The following SH3BP2 variants were observed in gnomAD, a reference collection of about 807,000 sequenced individuals.
SH3BP2 encodes SH3 domain binding protein 2, also known as SH3 domain-binding protein 2.
A neutral mutation model predicts 56.2 loss-of-function variants in SH3BP2; 38 were observed. That is an observed-to-expected ratio of 0.68 (90% CI 0.52 to 0.89). The LOEUF is 0.89. SH3BP2 is among the 40% of genes least tolerant of loss of function. The probability of loss-of-function intolerance (pLI) is 0.00; values close to 1 mark genes in which losing one functional copy is unlikely to be tolerated. For missense variants in SH3BP2, 748 were observed against 762.6 expected (o/e 0.98, Z 0.23); for synonymous variants, 346 against 316.7 (o/e 1.09, Z -0.98).
At position 2,832,166 on chromosome 4, in the gene SH3BP2, C is replaced by A; in HGVS notation, c.1407-165C>A. The stretch of plus-strand genomic sequence containing the variant: ...CAGCTGGCACCCTGGCTGGCCAGGG[C>A]TCTGCTGGGCTGCTTCTGTCAGCCT... On this transcript the variant is annotated intron_variant, in intron 10 of 12. Coordinates refer to ENST00000503393, the MANE Select transcript of SH3BP2 (RefSeq NM_001122681.2). The A allele has an allele frequency of 6.4e-6, 6 of 939,088 alleles. No homozygotes were observed. The South Asian group carries it at 6.7e-5, about 10-fold the overall frequency. 58.2% of individuals were successfully genotyped at this position (939,088 alleles called of 1,614,324 possible).
Position 2,826,684 on chromosome 4 carries a change from T to TCATGTTGCTCTGTGTGTGTGCATGTCCG in SH3BP2, c.429-526_429-525insCATGTCCGCATGTTGCTCTGTGTGTGTG. On this transcript the variant is annotated intron_variant, in intron 5 of 12. Coordinates refer to ENST00000503393, the MANE Select transcript of SH3BP2 (RefSeq NM_001122681.2). ...TGTTGCTCTGTGTGTGTGCATGTCC[T>TCATGTTGCTCTGTGTGTGTGCATGTCCG]CATGTTGCTCTGTGTGTGTGTGCAT... 2 of 335,994 alleles carry TCATGTTGCTCTGTGTGTGTGCATGTCCG rather than the reference T, an allele frequency of 6.0e-6. 1 individual carries two copies. Among genetic ancestry groups the TCATGTTGCTCTGTGTGTGTGCATGTCCG allele is most frequent in the East Asian group, 1.6e-4 (2 of 12,256 alleles). The allele number at this position is 335,994 out of a possible 1,614,324, so 20.8% of individuals were successfully genotyped here.
chr4:2,808,266 C>G (rs1252434462), intron 1 of SH3BP2, among the ~76,000 whole-genome samples: 5 of 152,176 alleles, frequency 3.3e-5, no homozygotes, highest in Non-Finnish European at 7.3e-5. Context: ...TCCCTCCAGC[C>G]TCTTTTCCAT....
chr4:2,806,727 A>G (rs1430140667), intron 1 of SH3BP2, among the ~76,000 whole-genome samples: 3 of 152,142 alleles, frequency 2.0e-5, no homozygotes, highest in East Asian at 1.9e-4. Flanking sequence ...GCCTAGGGCA[A>G]CCCTCTTCCA....
chr4:2,826,100 C>T (rs1724600195), intron 5 of SH3BP2, among the ~76,000 whole-genome samples: 1 of 152,274 alleles, frequency 6.6e-6, no homozygotes, highest in Admixed American at 6.5e-5. Context: ...CCCAAGCCCT[C>T]TTGAGGCAGG....
At chr4:2,801,278 G>C (rs540736494) in intron 1 of SH3BP2, among the ~76,000 whole-genome samples, 23 of 152,322 alleles carry the variant, frequency 1.5e-4, no homozygotes, top group Admixed American at 3.3e-4. Flanking sequence ...AGGTCACCCA[G>C]GCCCCCTCTG....
chr4:2,812,985 G>A (rs1294556625), intron 1 of SH3BP2, among the ~76,000 whole-genome samples: 1 of 152,200 alleles, frequency 6.6e-6, no homozygotes, highest in Admixed American at 6.5e-5. Flanking sequence ...GGACCTCAGG[G>A]ACTGCCGGGC....
intron 1 of SH3BP2, among the ~76,000 whole-genome samples, chr4:2,797,853 C>T (rs994428143): frequency 1.2e-4 from 19 of 152,286 alleles, no homozygotes; most frequent in Middle Eastern, 3.4e-3. Flanking sequence ...GGAAGTGGCG[C>T]GGGCAACGGG....
rs887297095 is a variant in SH3BP2 at position 2,808,109 on chromosome 4, T to C, written c.-4-12505T>C. On this transcript the variant is annotated intron_variant, in intron 1 of 12. Coordinates refer to ENST00000503393, the MANE Select transcript of SH3BP2 (RefSeq NM_001122681.2). Reference sequence around the variant, plus strand: ...CGAGGGGCCTGAAAACAACAGAAATTTACTCTCATGATTCTGGAGGCCAGA... The same window carrying C: ...CGAGGGGCCTGAAAACAACAGAAATCTACTCTCATGATTCTGGAGGCCAGA... Among the ~76,000 whole-genome samples the C allele has an allele frequency of 3.1e-4, 18 of 57,384 alleles. No individual in the cohort carries two copies. In the African/African-American group the frequency reaches 3.4e-3, roughly 11 times the overall value. 37.6% of individuals were successfully genotyped at this position (57,384 alleles called of 152,430 possible). A position where few individuals can be genotyped will look rare whatever the true frequency, so the allele number is the denominator to read the frequency against.
chr4:2,832,194 C>T (rs980750823), intron 10 of SH3BP2, 137 bp from the exon 11 acceptor site: 152 of 998,046 alleles, frequency 1.5e-4, no homozygotes, highest in Admixed American at 3.5e-4. Context: ...GTCAGCCTCA[C>T]GGCAGCCCGA....
In SH3BP2 at chr4:2,827,689, TG is replaced by T; in HGVS notation, c.586+18del. 1.1e-6 allele frequency: 1 copy of T among 934,640 alleles called. No individual in the cohort carries two copies. Among genetic ancestry groups the T allele is most frequent in the Non-Finnish European group, 1.6e-6 (1 of 614,806 alleles). 57.9% of individuals were successfully genotyped at this position (934,640 alleles called of 1,614,324 possible). On this transcript the variant is annotated intron_variant, in intron 7 of 12. Transcript: ENST00000503393. ...AAGGCTTGAGGGTAGGTGGGGCGGGTGGGCCCGGGGAGCTCTGGGTGTGTAG... is the reference window on the plus strand; with the variant it reads ...AAGGCTTGAGGGTAGGTGGGGCGGGTGGCCCGGGGAGCTCTGGGTGTGTAG...
chr4:2,794,371 A>G (rs116216504), intron 1 of SH3BP2: 4,663 of 151,480 alleles, frequency 0.031, 111 homozygotes, highest in Admixed American at 0.055. Flanking sequence ...GGTTCTTCCC[A>G]CTCTGTCCAC....
chr4:2,805,240 C>T (rs1203349346), intron 1 of SH3BP2, among the ~76,000 whole-genome samples: 4 of 152,180 alleles, frequency 2.6e-5, no homozygotes, highest in East Asian at 1.9e-4. Flanking sequence ...CTGGTGTGGG[C>T]GTGGGGTGTC....
intron 1 of SH3BP2, among the ~76,000 whole-genome samples, chr4:2,803,155 C>G (rs965471629): frequency 1.3e-5 from 2 of 152,214 alleles, no homozygotes; most frequent in African/African-American, 4.8e-5. Flanking sequence ...CCACTTACTG[C>G]TATACGGTCC....
At chr4:2,820,508 C>T in intron 1 of SH3BP2, 106 bp from the exon 2 acceptor site, 1 of 1,426,116 alleles carries the variant, frequency 7.0e-7, no homozygotes, top group Non-Finnish European at 9.9e-7. Flanking sequence ...ATGGCCCTAC[C>T]CTCCAAGCTG....
chr4:2,825,982 G>T (rs1202024887), intron 5 of SH3BP2, among the ~76,000 whole-genome samples: 1 of 152,234 alleles, frequency 6.6e-6, no homozygotes, highest in Non-Finnish European at 1.5e-5. Context: ...GGGACAGGAG[G>T]CCCAGGGAGG....
chr4:2,806,836 G>A (rs1371345007), intron 1 of SH3BP2, among the ~76,000 whole-genome samples: 2 of 152,254 alleles, frequency 1.3e-5, no homozygotes, highest in Admixed American at 1.3e-4. Context: ...GCCCAGTGGG[G>A]CATCCGGAGA....
In SH3BP2 at chr4:2,810,587, C is replaced by G. The variant is rs1389585983; in HGVS notation, c.-4-10027C>G. Among the ~76,000 whole-genome samples the G allele has an allele frequency of 6.6e-6, 1 of 151,906 alleles. No individual in the cohort carries two copies. Among genetic ancestry groups the G allele is most frequent in the African/African-American group, 2.4e-5 (1 of 41,336 alleles). On this transcript the variant is annotated intron_variant, in intron 1 of 12. Coordinates refer to ENST00000503393, the MANE Select transcript of SH3BP2 (RefSeq NM_001122681.2). The surrounding 1 kb of genome is among the most constrained non-coding windows in gnomAD (Gnocchi z 4.2). The stretch of plus-strand genomic sequence containing the variant: ...ATGGGTTGTCATCCCTGAAGCTGTG[C>G]GTTGGCCACCTCATTGCCTGTGGAT...
chr4:2,814,254 G>A (rs1245340811), intron 1 of SH3BP2, among the ~76,000 whole-genome samples: 2 of 152,208 alleles, frequency 1.3e-5, no homozygotes, highest in East Asian at 1.9e-4. Flanking sequence ...GACCACACAC[G>A]CCACAGGGCT....
rs1180083106 is a variant in SH3BP2 at position 2,829,388 on chromosome 4, C to T, written c.587-105C>T. 1.6e-6 allele frequency: 2 copies of T among 1,241,130 alleles called. No individual in the cohort carries two copies. Among genetic ancestry groups the T allele is most frequent in the African/African-American group, 1.5e-5 (1 of 67,658 alleles). 76.9% of individuals were successfully genotyped at this position (1,241,130 alleles called of 1,614,324 possible). A position where few individuals can be genotyped will look rare whatever the true frequency, so the allele number is the denominator to read the frequency against. On this transcript the variant is annotated intron_variant, in intron 7 of 12. Transcript: ENST00000503393. The surrounding 1 kb of genome is among the most constrained non-coding windows in gnomAD (Gnocchi z 4.9). ...TGGGTGGGCAGGCTGTGGGGTGGGC[C>T]TACCATGGGTTGCACTCCTGGTTGG...
Sources: allele counts gnomAD v4.1 joint callset (sites outside exome capture counted in the v4.1 genomes callset), GRCh38; gene constraint gnomAD v4.1.1; non-coding constraint Gnocchi (gnomAD v3.1); transcripts MANE v1.5; gene names NCBI Gene and HGNC (gene_info 2026-07-23, HGNC 2026-07-21).